Variants in ABCA4 observed in about 807,000 individuals in gnomAD.
ABCA4 encodes the protein retinal-specific phospholipid-transporting ATPase ABCA4.
Under a neutral mutation model 263.7 loss-of-function variants are expected in ABCA4, and 196 were observed. The observed-to-expected ratio is 0.74, with a 90% confidence interval of 0.66 to 0.84. The LOEUF (loss-of-function observed/expected upper bound fraction) is 0.84. Among genes scored for constraint, ABCA4 ranks in the 40% least tolerant of loss-of-function variants. The pLI is 0.00. For missense variants in ABCA4, 2,792 were observed against 2,855.1 expected, an observed-to-expected ratio of 0.98 and a Z score of 0.50; for synonymous variants, 1,133 against 1,094.2, an observed-to-expected ratio of 1.04 and a Z score of -0.70.
intron 11 of ABCA4, 52 bp from the exon 12 acceptor site, chr1:94,063,369 C>G: frequency 6.5e-7 from 1 of 1,533,940 alleles, no homozygotes; most frequent in Admixed American, 1.7e-5. Context: ...ACTGCAAAGA[C>G]TCAACTCTAC....
intron 30 of ABCA4, 54 bp downstream of exon 30, chr1:94,029,391 C>T (rs978090537): frequency 1.1e-5 from 16 of 1,427,856 alleles, no homozygotes; most frequent in Non-Finnish European, 1.3e-5. Flanking sequence ...AGGGACTCCC[C>T]TAGTCCCTCT....
At position 94,107,702 on chromosome 1, in the gene ABCA4, C is replaced by T. The variant is rs539927660; in HGVS notation, c.442+875G>A. Among the ~76,000 whole-genome samples, 3 of 152,274 alleles carry T rather than the reference C, an allele frequency of 2.0e-5. No individual in the cohort carries two copies. In the East Asian group the frequency reaches 5.8e-4, roughly 29 times the overall value. The stretch of plus-strand genomic sequence containing the variant: ...CAACATCATCACCTCCCATTTCCTC[C>T]TTCCCCTCACCATGCACCTGCACCT... On this transcript the variant is annotated intron_variant, in intron 4 of 49. Transcript: ENST00000370225.
At chr1:94,030,601 A>G (rs1305165746) in intron 28 of ABCA4, 75 bp from the exon 29 acceptor site, 30 of 1,385,308 alleles carry the variant, frequency 2.2e-5, no homozygotes, top group Non-Finnish European at 2.9e-5. Flanking sequence ...CCTTTACTGG[A>G]TAGCTGCTGT....
chr1:94,006,251 A>T (rs1659381840), intron 43 of ABCA4, among the ~76,000 whole-genome samples: 1 of 151,314 alleles, frequency 6.6e-6, no homozygotes, highest in Admixed American at 6.6e-5. Context: ...AGACCATTAC[A>T]GTTCCCCACA....
At chr1:94,076,318 GGCATCA>G (rs1169649241) in intron 11 of ABCA4, among the ~76,000 whole-genome samples, 1 of 152,110 alleles carries the variant, frequency 6.6e-6, no homozygotes, top group Non-Finnish European at 1.5e-5. Flanking sequence ...AAGCAGCTAG[GGCATCA>G]GCAGAGGAGA....
At chr1:94,107,319 G>A (rs1662461086) in intron 4 of ABCA4, among the ~76,000 whole-genome samples, 1 of 152,282 alleles carries the variant, frequency 6.6e-6, no homozygotes, top group African/African-American at 2.4e-5. Flanking sequence ...TTTCCTCAGA[G>A]GGCACGCTCC....
chr1:94,017,150 T>C (rs1441009781), intron 36 of ABCA4, among the ~76,000 whole-genome samples: 2 of 152,196 alleles, frequency 1.3e-5, no homozygotes, highest in African/African-American at 4.8e-5. Flanking sequence ...GTATAATGAA[T>C]AGGATATTTA....
chr1:94,011,335 G>A lies in ABCA4; in HGVS notation c.5511C>T (p.Pro1837=), dbSNP rs147471351. 9.3e-6 allele frequency: 15 copies of A among 1,614,016 alleles called. No homozygotes were observed. Among genetic ancestry groups the A allele is most frequent in the Admixed American group, 5.0e-5 (3 of 60,002 alleles). ...TGAGGCCCCGGCCCAGGCAGAAGTG[G>A]GGGAAGACAATGAGCAGCTTCCTCA... ...AVLRKLLIVF[P]HFCLGRGLID... Residue 1837 remains proline, a synonymous_variant, in exon 39 of 50, where the codon CCC becomes CCT. Coordinates refer to ENST00000370225, the MANE Select transcript of ABCA4 (RefSeq NM_000350.3).
At chr1:94,023,324 G>A in intron 32 of ABCA4, 62 bp downstream of exon 32, 1 of 1,394,666 alleles carries the variant, frequency 7.2e-7, no homozygotes, top group Non-Finnish European at 1.0e-6. Context: ...TTTTAAAAGT[G>A]TGCAATTATT....
chr1:94,071,245 C>G (rs1429363632), intron 11 of ABCA4, among the ~76,000 whole-genome samples: 1 of 152,180 alleles, frequency 6.6e-6, no homozygotes, highest in Middle Eastern at 3.2e-3. Flanking sequence ...AGCATTTATT[C>G]AAATGTAGGT....
At chr1:94,018,107 C>G (rs1659786959) in intron 36 of ABCA4, among the ~76,000 whole-genome samples, 2 of 152,210 alleles carry the variant, frequency 1.3e-5, no homozygotes, top group African/African-American at 4.8e-5. Flanking sequence ...GGACTGCCAG[C>G]TAGTATCACC....
intron 38 of ABCA4, among the ~76,000 whole-genome samples, chr1:94,012,738 C>T (rs902611765): frequency 3.3e-5 from 5 of 152,226 alleles, no homozygotes; most frequent in African/African-American, 9.6e-5. Context: ...CTGTCACACG[C>T]TGTATTATGG....
In ABCA4 at chr1:94,000,873, A is replaced by G. The variant is rs780798765; in HGVS notation, c.6442T>C (p.Phe2148Leu). The change falls in exon 47 of 50, where the codon TTT (phenylalanine) becomes CTT (leucine). Residue 2148 changes from phenylalanine to leucine, a missense_variant. By Grantham distance (22) the Phe-to-Leu change is conservative. Transcript: ENST00000370225. ...TGCTGAATGGTGCCCATACATCGAA[A>G]GGCGCCCTTTACCATGATGGCCAGC... is the stretch of plus-strand genomic sequence containing the variant. ...TRLAIMVKGA[F>L]RCMGTIQHLK... 2.5e-6 allele frequency: 4 copies of G among 1,614,174 alleles called. No homozygotes were observed. In the Admixed American group the frequency reaches 6.7e-5, roughly 27 times the overall value.
chr1:94,094,018 C>A (rs1570418582), intron 6 of ABCA4, among the ~76,000 whole-genome samples: 1 of 152,238 alleles, frequency 6.6e-6, no homozygotes, highest in South Asian at 2.1e-4. Flanking sequence ...TCAGGAATCA[C>A]TCCTTTCTCT....
chr1:94,025,849 G>T (rs1045361127), intron 30 of ABCA4, among the ~76,000 whole-genome samples: 1 of 152,158 alleles, frequency 6.6e-6, no homozygotes, highest in Non-Finnish European at 1.5e-5. Context: ...TGAGAGCAGG[G>T]ACTTTGCCTG....
chr1:94,075,338 G>T (rs1398338820), intron 11 of ABCA4, among the ~76,000 whole-genome samples: 1 of 151,126 alleles, frequency 6.6e-6, no homozygotes, highest in Non-Finnish European at 1.5e-5. Flanking sequence ...AATAAAGAAA[G>T]AAAATCTAAA....
intron 42 of ABCA4, 59 bp downstream of exon 42, chr1:94,008,176 A>G (rs963817758): frequency 1.1e-5 from 16 of 1,479,962 alleles, no homozygotes; most frequent in Admixed American, 1.7e-5. Flanking sequence ...TGGGGAGGAG[A>G]GGCAGGCACA....
chr1:94,060,333 A>G (rs1661084801), intron 14 of ABCA4, among the ~76,000 whole-genome samples: 1 of 152,076 alleles, frequency 6.6e-6, no homozygotes, highest in African/African-American at 2.4e-5. Flanking sequence ...GAAGTGGGAG[A>G]TGGGAGGATG....
intron 34 of ABCA4, 28 bp from the exon 35 acceptor site, chr1:94,021,437 G>A (rs377631156): frequency 1.4e-5 from 22 of 1,613,764 alleles, no homozygotes; most frequent in East Asian, 2.2e-5. Flanking sequence ...CATCTGAGAC[G>A]CTGCACTAAC....
Sources: gnomAD v4.1 joint callset for allele counts (sites outside exome capture counted in the v4.1 genomes callset) on GRCh38, gnomAD v4.1.1 for gene constraint, MANE v1.5 for transcripts, NCBI Gene and HGNC (gene_info 2026-07-23, HGNC 2026-07-21) for gene names.